SRFBP1: variants seen among roughly 807,000 people sequenced by gnomAD.
SRFBP1 encodes the protein serum response factor-binding protein 1.
Under a neutral mutation model 45.5 loss-of-function variants are expected in SRFBP1, and 47 were observed. The ratio of observed to expected loss-of-function variants is 1.03; its 90% CI spans 0.82 to 1.32. SRFBP1 has a LOEUF of 1.32. Among genes scored for constraint, SRFBP1 ranks in the 40% most tolerant of loss-of-function variants. The pLI is 0.00. For synonymous variants in SRFBP1, 203 were observed against 166.3 expected (o/e 1.22, Z -1.70); for missense variants, 621 against 484.6 (o/e 1.28, Z -2.64).
intron 2 of SRFBP1, among the ~76,000 whole-genome samples, chr5:122,072,900 C>G (rs1754491862): frequency 6.6e-6 from 1 of 152,170 alleles, no homozygotes; most frequent in African/African-American, 2.4e-5. Flanking sequence ...AACTCTAGGT[C>G]CCTTGCACAG....
chr5:122,043,325 C>T (rs1258705450), intron 2 of SRFBP1, among the ~76,000 whole-genome samples: 3 of 152,006 alleles, frequency 2.0e-5, no homozygotes, highest in Non-Finnish European at 2.9e-5. Flanking sequence ...AAGCAATTCT[C>T]CTGCCTCAGC....
At chr5:122,057,226 T>A (rs1405422669) in intron 2 of SRFBP1, among the ~76,000 whole-genome samples, 3 of 152,104 alleles carry the variant, frequency 2.0e-5, no homozygotes, top group African/African-American at 7.2e-5. Context: ...AAAATACACA[T>A]GCACATGACA....
rs757772684 is a variant in SRFBP1 at position 121,961,997 on chromosome 5, G to A, written c.-36G>A. The A allele has an allele frequency of 1.2e-6, 2 of 1,613,590 alleles. No individual in the cohort carries two copies. The highest frequency in any genetic ancestry group is 1.7e-6 in the Non-Finnish European group (2 of 1,179,926). ...GCCGCGGTCTGAGAGACCGGTTCACGTGCAGGCAGCGGCGGATCATATTCC... is the reference window on the plus strand; with the variant it reads ...GCCGCGGTCTGAGAGACCGGTTCACATGCAGGCAGCGGCGGATCATATTCC... On this transcript the variant is annotated 5_prime_UTR_variant, in exon 1 of 8. The change creates a new upstream start codon in the 5' untranslated region. Transcript: ENST00000339397.
At chr5:121,973,556 A>C (rs1447998426) in intron 1 of SRFBP1, among the ~76,000 whole-genome samples, 1 of 148,320 alleles carries the variant, frequency 6.7e-6, no homozygotes, top group East Asian at 2.0e-4. Flanking sequence ...TTAGAGTTAA[A>C]CATTGTTCTC....
rs1375156745 is a variant in SRFBP1, at chr5:122,019,316, G to A, written c.327G>A (p.Leu109=). ...AIARLAVHPL[L]KKKIDVLKAA... ...CCAGACTAGCAGTACATCCTCTTCTGAAGAAAAAGATAGATGTGCTAAAAG... is the reference window on the plus strand; with the variant it reads ...CCAGACTAGCAGTACATCCTCTTCTAAAGAAAAAGATAGATGTGCTAAAAG... Residue 109 remains leucine (L), a synonymous_variant, in exon 5 of 8, where the codon CTG becomes CTA. Coordinates refer to ENST00000339397, the MANE Select transcript of SRFBP1 (RefSeq NM_152546.3). The A allele has an allele frequency of 1.2e-6, 2 of 1,612,148 alleles. No homozygotes were observed. Among genetic ancestry groups the A allele is most frequent in the Middle Eastern group, 1.7e-4 (1 of 6,036 alleles).
chr5:122,034,347 C>G (rs1309420898), intron 2 of SRFBP1, among the ~76,000 whole-genome samples: 20 of 151,952 alleles, frequency 1.3e-4, no homozygotes, highest in Non-Finnish European at 2.9e-4. Flanking sequence ...AATGTGTTTA[C>G]TGTGCTCTTC....
intron 2 of SRFBP1, among the ~76,000 whole-genome samples, chr5:122,059,797 G>A (rs913688934): frequency 1.3e-5 from 2 of 152,110 alleles, no homozygotes; most frequent in Non-Finnish European, 2.9e-5. Flanking sequence ...GAAGTAAAGA[G>A]TGCAACGTAC....
intron 4 of SRFBP1, among the ~76,000 whole-genome samples, chr5:122,005,859 T>C (rs1041961193): frequency 2.1e-4 from 32 of 152,198 alleles, no homozygotes; most frequent in African/African-American, 6.8e-4. Context: ...GTGTATATTC[T>C]TTAACAAACT....
intron 3 of SRFBP1, among the ~76,000 whole-genome samples, chr5:121,979,787 G>T (rs1045585866): frequency 2.0e-5 from 3 of 152,116 alleles, no homozygotes; most frequent in Non-Finnish European, 2.9e-5. Context: ...AAATGAGGAA[G>T]TCTGGTTATT....
At chr5:121,963,191 C>G (rs762379625) in intron 1 of SRFBP1, among the ~76,000 whole-genome samples, 3 of 152,142 alleles carry the variant, frequency 2.0e-5, no homozygotes, top group African/African-American at 7.2e-5. Context: ...GGATAAGTAA[C>G]TCTTCACTGA....
chr5:122,013,505 A>G (rs1561591488), intron 4 of SRFBP1, among the ~76,000 whole-genome samples: 1 of 152,128 alleles, frequency 6.6e-6, no homozygotes, highest in Non-Finnish European at 1.5e-5. Flanking sequence ...TTTCCAAAAA[A>G]AGATTTTAAA....
downstream of SRFBP1, among the ~76,000 whole-genome samples, chr5:122,032,984 G>C (rs776527670): frequency 2.0e-5 from 3 of 151,984 alleles, no homozygotes; most frequent in Non-Finnish European, 4.4e-5. Flanking sequence ...ATGGAGTCTG[G>C]CTCTGTTGCC....
downstream of SRFBP1, among the ~76,000 whole-genome samples, chr5:122,030,463 A>G (rs1753571166): frequency 6.6e-6 from 1 of 152,198 alleles, no homozygotes; most frequent in South Asian, 2.1e-4. Context: ...TTCCCTGAGT[A>G]CTGTCATTAT....
intron 5 of SRFBP1, among the ~76,000 whole-genome samples, chr5:122,019,718 A>C (rs1019847037): frequency 6.6e-6 from 1 of 151,494 alleles, no homozygotes; most frequent in African/African-American, 2.4e-5. Flanking sequence ...TTTTTTTGTC[A>C]CATGATACTG....
chr5:122,023,033 G>A (rs987648664), intron 7 of SRFBP1, among the ~76,000 whole-genome samples: 2 of 152,288 alleles, frequency 1.3e-5, no homozygotes, highest in Admixed American at 1.3e-4. Context: ...CAATAGAAGG[G>A]AATGGAGTAC....
downstream of SRFBP1, chr5:122,075,679 T>C: frequency 1.9e-6 from 1 of 518,450 alleles, no homozygotes. Flanking sequence ...GTCTAAGGCA[T>C]TTTGTTTCTT....
At chr5:122,012,748 C>T (rs1229653225) in intron 4 of SRFBP1, among the ~76,000 whole-genome samples, 2 of 152,094 alleles carry the variant, frequency 1.3e-5, no homozygotes, top group African/African-American at 2.4e-5. Flanking sequence ...CAATGAAAGC[C>T]TCAATTCTAA....
chr5:122,070,287 A>G, intron 2 of SRFBP1: 1 of 696,706 alleles, frequency 1.4e-6, no homozygotes, highest in Admixed American at 2.4e-5. Context: ...GTAAGTGGTT[A>G]AACTCTGGAG....
rs186081551 is a variant in SRFBP1, at chr5:122,035,337, G to A, written n.311+12930G>A. On this transcript the variant is annotated intron_variant and non_coding_transcript_variant, in intron 2 of 2. Coordinates refer to the SRFBP1 transcript ENST00000504881. Reference sequence around the variant, plus strand: ...CATATCTATGAGCCTAAGATTAGATGCAAATTCCCCTTATGTCAGCAGCTC... The same window carrying A: ...CATATCTATGAGCCTAAGATTAGATACAAATTCCCCTTATGTCAGCAGCTC... Among the ~76,000 whole-genome samples the A allele has an allele frequency of 2.8e-3, 433 of 152,220 alleles. 1 individual carries two copies. The highest frequency in any genetic ancestry group is 9.9e-3 in the African/African-American group (410 of 41,548).
Sources: allele counts gnomAD v4.1 joint callset (sites outside exome capture counted in the v4.1 genomes callset), GRCh38; gene constraint gnomAD v4.1.1; transcripts MANE v1.5; gene names NCBI Gene and HGNC (gene_info 2026-07-23, HGNC 2026-07-21).